SHANK2: variants seen among roughly 807,000 people sequenced by gnomAD.
The protein encoded by SHANK2 is SH3 and multiple ankyrin repeat domains 2.
A neutral mutation model predicts 133.7 loss-of-function variants in SHANK2; 43 were observed. The ratio of observed to expected loss-of-function variants is 0.32; its 90% CI spans 0.25 to 0.41. SHANK2 has a LOEUF of 0.41. SHANK2 is among the 10% of genes least tolerant of loss of function. SHANK2 has a pLI of 1.00. For synonymous variants in SHANK2, 1,017 were observed against 952.8 expected, an observed-to-expected ratio of 1.07 and a Z score of -1.24; for missense variants, 1,994 against 2,235.8, an observed-to-expected ratio of 0.89 and a Z score of 2.18.
At chr11:71,087,908 C>T (rs968949210) in intron 8 of SHANK2, among the ~76,000 whole-genome samples, 39 of 152,250 alleles carry the variant, frequency 2.6e-4, no homozygotes, top group Admixed American at 7.2e-4. Context: ...GGATTACAGG[C>T]GTGAGCCACC....
At chr11:71,170,865 G>A (rs1482027708) in intron 2 of SHANK2, among the ~76,000 whole-genome samples, 5 of 152,344 alleles carry the variant, frequency 3.3e-5, no homozygotes, top group South Asian at 2.1e-4. Context: ...GATGGTCCTC[G>A]TCCTCCAGGG....
intron 17 of SHANK2, among the ~76,000 whole-genome samples, chr11:70,568,287 C>A (rs1408049903): frequency 6.6e-6 from 1 of 152,194 alleles, no homozygotes; most frequent in Non-Finnish European, 1.5e-5. Context: ...ATCTTCACTT[C>A]CTCTTCGAAA....
chr11:70,942,861 C>T, intron 10 of SHANK2: 1 of 456,716 alleles, frequency 2.2e-6, no homozygotes, highest in Non-Finnish European at 4.4e-6. Flanking sequence ...ACCAGACAGG[C>T]CCTTTGCCTG....
At chr11:71,164,153 C>T (rs1226152464) in intron 2 of SHANK2, among the ~76,000 whole-genome samples, 1 of 152,164 alleles carries the variant, frequency 6.6e-6, no homozygotes, top group Non-Finnish European at 1.5e-5. Context: ...AGAGTTCTGG[C>T]TCCTGGGTTG....
chr11:71,141,344 A>T (rs567670951), intron 3 of SHANK2, among the ~76,000 whole-genome samples: 9 of 152,128 alleles, frequency 5.9e-5, no homozygotes, highest in African/African-American at 1.9e-4. Flanking sequence ...AATACAAAAA[A>T]AAAAAAATTA....
chr11:70,807,639 G>A lies in SHANK2; in HGVS notation c.1494-468C>T, dbSNP rs529370085. ...GAGATCACGAGTTCGGGACCAGCAC[G>A]GCCAACATGGTGAAACCTCGTTGGT... On this transcript the variant is annotated intron_variant, in intron 12 of 25. Coordinates refer to ENST00000601538, the MANE Select transcript of SHANK2 (RefSeq NM_012309.5). This position sits in a 1 kb window ranked among gnomAD's most constrained non-coding sequence, Gnocchi z 4.8. Among the ~76,000 whole-genome samples, 3 of 152,272 alleles carry A rather than the reference G, an allele frequency of 2.0e-5. No individual in the cohort carries two copies. The highest frequency in any genetic ancestry group is 1.3e-4 in the Admixed American group (2 of 15,294).
At chr11:70,876,588 TACAC>T (rs3064230) in intron 11 of SHANK2, among the ~76,000 whole-genome samples, 210 of 135,442 alleles carry the variant, frequency 1.6e-3, no homozygotes, top group South Asian at 2.4e-3. Flanking sequence ...AAAAAAATTA[TACAC>T]ACACACACAC....
chr11:70,924,228 C>G (rs373070107), intron 10 of SHANK2, among the ~76,000 whole-genome samples: 4 of 152,114 alleles, frequency 2.6e-5, no homozygotes, highest in Admixed American at 6.5e-5. Context: ...AGATACTGAC[C>G]GGCCTGACCT....
At chr11:70,573,420 G>A (rs1554983529) in intron 17 of SHANK2, among the ~76,000 whole-genome samples, 12 of 151,418 alleles carry the variant, frequency 7.9e-5, no homozygotes. Flanking sequence ...AAAACTTATA[G>A]AATTGCACAC....
chr11:70,765,161 CATT>C (rs1555041082), intron 14 of SHANK2, among the ~76,000 whole-genome samples: 1 of 152,160 alleles, frequency 6.6e-6, no homozygotes, highest in Non-Finnish European at 1.5e-5. Flanking sequence ...CCTGGGGAAA[CATT>C]ATAGCCCACG....
At chr11:70,895,143 C>T (rs1437586431) in intron 11 of SHANK2, among the ~76,000 whole-genome samples, 4 of 152,190 alleles carry the variant, frequency 2.6e-5, no homozygotes, top group Admixed American at 6.5e-5. Flanking sequence ...TGGGAGGCCC[C>T]GAGGCTCTGC....
chr11:70,477,854 G>A (rs921458870), intron 25 of SHANK2, among the ~76,000 whole-genome samples: 4 of 152,172 alleles, frequency 2.6e-5, no homozygotes, highest in African/African-American at 9.7e-5. Context: ...TAATCACATT[G>A]ATGATATTCA....
At chr11:70,949,779 G>T (rs997494066) in intron 10 of SHANK2, among the ~76,000 whole-genome samples, 2 of 152,238 alleles carry the variant, frequency 1.3e-5, no homozygotes, top group East Asian at 3.9e-4. Flanking sequence ...CCCAAGGTTG[G>T]CCTGTTCCTA....
At chr11:70,752,003 T>A (rs948963390) in intron 14 of SHANK2, among the ~76,000 whole-genome samples, 2 of 152,168 alleles carry the variant, frequency 1.3e-5, no homozygotes, top group African/African-American at 4.8e-5. Flanking sequence ...AATAAAATGG[T>A]AGATATAAAT....
At chr11:71,069,140 C>T (rs1168092364) in intron 9 of SHANK2, among the ~76,000 whole-genome samples, 2 of 151,256 alleles carry the variant, frequency 1.3e-5, no homozygotes, top group African/African-American at 4.9e-5. Flanking sequence ...ACCATGGCCA[C>T]CATCACTATC....
At chr11:70,785,822 A>G (rs1482628007) in intron 14 of SHANK2, among the ~76,000 whole-genome samples, 1 of 152,188 alleles carries the variant, frequency 6.6e-6, no homozygotes, top group Non-Finnish European at 1.5e-5. Flanking sequence ...GGCTGCCCAA[A>G]CAAAAGCCGA....
chr11:71,098,492 A>C (rs1951665958), intron 6 of SHANK2, among the ~76,000 whole-genome samples: 1 of 152,206 alleles, frequency 6.6e-6, no homozygotes, highest in Admixed American at 6.5e-5. Flanking sequence ...ATGATAGTTC[A>C]GGAGGCTGGG....
chr11:70,890,742 T>A (rs1226794272), intron 11 of SHANK2, among the ~76,000 whole-genome samples: 5 of 146,508 alleles, frequency 3.4e-5, no homozygotes, highest in Non-Finnish European at 5.9e-5. Flanking sequence ...GAGGCTGCAG[T>A]GAGCCAAGAT....
rs186166062 is a variant in SHANK2 at position 70,706,416 on chromosome 11, T to C, written c.1778-7653A>G. Among the ~76,000 whole-genome samples the C allele has an allele frequency of 2.4e-4, 37 of 152,204 alleles. 1 individual carries two copies. In the East Asian group the frequency reaches 4.7e-3, roughly 19 times the overall value. ...TCTCCTTGGGTCTGAATGGGGCAAG[T>C]TGGAGATACAGGAAGCTGGATGATT... On this transcript the variant is annotated intron_variant, in intron 14 of 25. Coordinates refer to ENST00000601538, the MANE Select transcript of SHANK2 (RefSeq NM_012309.5).
Sources: allele counts gnomAD v4.1 joint callset (sites outside exome capture counted in the v4.1 genomes callset), GRCh38; gene constraint gnomAD v4.1.1; non-coding constraint Gnocchi (gnomAD v3.1); transcripts MANE v1.5; gene names NCBI Gene and HGNC (gene_info 2026-07-23, HGNC 2026-07-21).